The following NIM1K variants were observed in gnomAD, a reference collection of about 807,000 sequenced individuals.
The protein encoded by NIM1K is serine/threonine-protein kinase NIM1.
In NIM1K, 35 loss-of-function variants were observed where a neutral mutation model predicts 37.1. The observed-to-expected ratio is 0.94, with a 90% CI of 0.72 to 1.25. The LOEUF is 1.25. Among genes scored for constraint, NIM1K ranks in the 50% most tolerant of loss-of-function variants. The pLI, the probability that NIM1K is intolerant of heterozygous loss-of-function variation, is 0.00. For missense variants in NIM1K, 564 were observed against 548.0 expected (o/e 1.03, Z -0.29); for synonymous variants, 234 against 206.6 (o/e 1.13, Z -1.14).
intron 1 of NIM1K, among the ~76,000 whole-genome samples, chr5:43,244,706 G>A (rs1037371200): frequency 1.3e-5 from 2 of 152,140 alleles, no homozygotes; most frequent in Non-Finnish European, 2.9e-5. Context: ...ATTATTATTT[G>A]AATAAATATG....
At chr5:43,278,016 TTTCC>T (rs59194066) in intron 3 of NIM1K, among the ~76,000 whole-genome samples, 11,040 of 147,894 alleles carry the variant, frequency 0.075, 977 homozygotes, top group African/African-American at 0.22. Context: ...CTTCCTTTCT[TTTCC>T]TTCCTTCCTT....
At chr5:43,193,720 T>C (rs1751867018) in intron 1 of NIM1K, 1 of 152,200 alleles carries the variant, frequency 6.6e-6, no homozygotes, top group Non-Finnish European at 1.5e-5. Flanking sequence ...TCACACTAGC[T>C]TGCATCATCA....
chr5:43,250,920 A>G (rs1004345355), intron 2 of NIM1K, among the ~76,000 whole-genome samples: 1 of 152,210 alleles, frequency 6.6e-6, no homozygotes, highest in Non-Finnish European at 1.5e-5. Context: ...AGACAAATTT[A>G]TCTGAAATAC....
intron 2 of NIM1K, among the ~76,000 whole-genome samples, chr5:43,264,152 C>T (rs1000932181): frequency 1.3e-5 from 2 of 152,182 alleles, no homozygotes; most frequent in Non-Finnish European, 2.9e-5. Flanking sequence ...TGGTGCAGAG[C>T]TGAGTTCAAG....
chr5:43,255,190 A>G (rs1752921943), intron 2 of NIM1K, among the ~76,000 whole-genome samples: 1 of 152,216 alleles, frequency 6.6e-6, no homozygotes, highest in Non-Finnish European at 1.5e-5. Context: ...TGGGCAGGAC[A>G]TGAGTGTAAG....
chr5:43,258,681 A>G (rs112999650), intron 2 of NIM1K, among the ~76,000 whole-genome samples: 4,907 of 152,144 alleles, frequency 0.032, 294 homozygotes, highest in African/African-American at 0.11. Flanking sequence ...GGGCTCGAGT[A>G]ATCCTCTTGC....
intron 1 of NIM1K, among the ~76,000 whole-genome samples, chr5:43,214,548 G>A (rs1013186328): frequency 1.3e-5 from 2 of 149,958 alleles, no homozygotes; most frequent in African/African-American, 4.9e-5. Flanking sequence ...GGGCGCGGTG[G>A]CTTACGCCTG....
chr5:43,211,102 G>C (rs1167132175), intron 1 of NIM1K, among the ~76,000 whole-genome samples: 1 of 152,132 alleles, frequency 6.6e-6, no homozygotes, highest in Non-Finnish European at 1.5e-5. Context: ...AACCCAGGAG[G>C]CAAAGGTTGC....
intron 1 of NIM1K, among the ~76,000 whole-genome samples, chr5:43,220,299 T>C (rs1227953749): frequency 6.6e-6 from 1 of 150,908 alleles, no homozygotes; most frequent in Non-Finnish European, 1.5e-5. Flanking sequence ...ATCTCTTTTT[T>C]TTTTTTTTTT....
intron 1 of NIM1K, among the ~76,000 whole-genome samples, chr5:43,199,204 A>AATATATATAT (rs1162677436): frequency 7.4e-5 from 7 of 94,060 alleles, no homozygotes; most frequent in Admixed American, 1.4e-4. Context: ...AAAAAAAAAA[A>AATATATATAT]ATATATATAT....
chr5:43,230,521 T>C (rs1205111860), intron 1 of NIM1K, among the ~76,000 whole-genome samples: 1 of 152,194 alleles, frequency 6.6e-6, no homozygotes, highest in Non-Finnish European at 1.5e-5. Flanking sequence ...GATAGCAATG[T>C]GCCCAGCTAA....
intron 3 of NIM1K, among the ~76,000 whole-genome samples, chr5:43,277,813 T>C (rs60394021): frequency 6.9e-6 from 1 of 143,916 alleles, no homozygotes; most frequent in Non-Finnish European, 1.5e-5. Flanking sequence ...TGTGTGTGTG[T>C]GTGAGAGAGA....
In NIM1K at chr5:43,277,223, AG is replaced by A; in HGVS notation, c.464del (p.Gly155ValfsTer30). On this transcript the variant is annotated frameshift_variant, in exon 3 of 4. Coordinates refer to ENST00000326035, the MANE Select transcript of NIM1K (RefSeq NM_153361.4). LOFTEE classifies it high-confidence loss of function. ...SKLHLVMEYA[G>X]GGELFGKIST... ...AGCTGCACTTGGTGATGGAGTATGC[AG>A]GGGGTGGGGAGCTCTTCGGAAAAAT... is the stretch of plus-strand genomic sequence containing the variant. The A allele has an allele frequency of 6.2e-7, 1 of 1,614,048 alleles. No homozygotes were observed. Among genetic ancestry groups the A allele is most frequent in the Non-Finnish European group, 8.5e-7 (1 of 1,180,004 alleles).
intron 1 of NIM1K, among the ~76,000 whole-genome samples, chr5:43,214,899 C>G (rs1752278302): frequency 6.6e-6 from 1 of 151,192 alleles, no homozygotes; most frequent in African/African-American, 2.4e-5. Context: ...CCCTCCTTAT[C>G]TTCACACTTA....
chr5:43,236,450 T>C (rs962393823), intron 1 of NIM1K, among the ~76,000 whole-genome samples: 3 of 151,944 alleles, frequency 2.0e-5, no homozygotes, highest in South Asian at 4.2e-4. Context: ...ACCCTGCCTC[T>C]AAATAAAAAA....
intron 1 of NIM1K, chr5:43,207,445 AGAAGACTGTATTCCGGTACT>A: frequency 1.2e-6 from 1 of 808,144 alleles, no homozygotes; most frequent in South Asian, 1.3e-5. Context: ...AGGTTCTAAT[AGAAGACTGTATTCCGGTACT>A]GAAGAGGTAC....
intron 1 of NIM1K, among the ~76,000 whole-genome samples, chr5:43,243,645 A>G (rs1752736326): frequency 6.6e-6 from 1 of 152,120 alleles, no homozygotes; most frequent in African/African-American, 2.4e-5. Context: ...TCTTCACTCT[A>G]ATTAAGGACC....
rs572970511 is a variant in NIM1K at position 43,210,665 on chromosome 5, T to A, written c.-695+18254T>A. On this transcript the variant is annotated intron_variant, in intron 1 of 3. Transcript: ENST00000326035. ...TGTCATGTACAAAGACATAGAAGCATGAAACTGCATGGGATTGTAGGCGAG... is the reference window on the plus strand; with the variant it reads ...TGTCATGTACAAAGACATAGAAGCAAGAAACTGCATGGGATTGTAGGCGAG... Among the ~76,000 whole-genome samples, 25 of 152,280 alleles carry A rather than the reference T, an allele frequency of 1.6e-4. No homozygotes were observed. The South Asian group carries it at 5.2e-3, about 32-fold the overall frequency.
chr5:43,198,131 ATTTCTTTC>A (rs760219876), intron 1 of NIM1K, among the ~76,000 whole-genome samples: 1,141 of 105,902 alleles, frequency 0.011, 35 homozygotes, highest in African/African-American at 0.015. Context: ...GGCCAATATG[ATTTCTTTC>A]TTTCTTTCTT....
Sources: allele counts gnomAD v4.1 joint callset (sites outside exome capture counted in the v4.1 genomes callset), GRCh38; gene constraint gnomAD v4.1.1; transcripts MANE v1.5; gene names NCBI Gene and HGNC (gene_info 2026-07-23, HGNC 2026-07-21).